Variants in HEMK2 observed in about 807,000 individuals in gnomAD.
The protein encoded by HEMK2 is methyltransferase HEMK2.
chr21:28,754,921 C>A, the HEMK2 span, among the ~76,000 whole-genome samples: 1 of 152,160 alleles, frequency 6.6e-6, no homozygotes, highest in South Asian at 2.1e-4. Context: ...AGGCAAGAAG[C>A]AAGAGCTAGG....
the HEMK2 span, among the ~76,000 whole-genome samples, chr21:28,719,922 T>A: frequency 2.0e-5 from 3 of 152,226 alleles, no homozygotes; most frequent in Admixed American, 6.5e-5. Context: ...ACTTGCCACA[T>A]ATATTCCCAG....
chr21:28,732,617 G>A, the HEMK2 span, among the ~76,000 whole-genome samples: 2 of 152,184 alleles, frequency 1.3e-5, no homozygotes, highest in East Asian at 3.9e-4. Flanking sequence ...AGGAGGAGTG[G>A]ATGTAAGCAT....
At chr21:28,882,168 TAATAACTGG>T in the HEMK2 span, 58 of 1,578,788 alleles carry the variant, frequency 3.7e-5, no homozygotes, top group Non-Finnish European at 4.9e-5. Context: ...ACCAAATCTG[TAATAACTGG>T]TTGAATGTGA....
At chr21:28,859,273 G>T in the HEMK2 span, among the ~76,000 whole-genome samples, 1 of 152,134 alleles carries the variant, frequency 6.6e-6, no homozygotes, top group East Asian at 1.9e-4. Flanking sequence ...TTTGTTTAAT[G>T]ATTGCCTATC....
the HEMK2 span, among the ~76,000 whole-genome samples, chr21:28,803,600 C>CAA: frequency 2.6e-5 from 4 of 152,100 alleles, no homozygotes; most frequent in African/African-American, 9.7e-5. Flanking sequence ...TCTTAATGCC[C>CAA]AGAAAAACAC....
the HEMK2 span, among the ~76,000 whole-genome samples, chr21:28,752,425 C>A: frequency 1.3e-5 from 2 of 152,206 alleles, no homozygotes; most frequent in Non-Finnish European, 2.9e-5. Context: ...GGTATGTGAG[C>A]CTGGCTTCCA....
chr21:28,791,774 A>G, the HEMK2 span, among the ~76,000 whole-genome samples: 26 of 152,238 alleles, frequency 1.7e-4, no homozygotes, highest in Middle Eastern at 3.4e-3. Context: ...CCAAATTACC[A>G]GAGTGACTCC....
the HEMK2 span, among the ~76,000 whole-genome samples, chr21:28,748,836 T>C: frequency 3.9e-5 from 6 of 152,216 alleles, no homozygotes; most frequent in African/African-American, 1.4e-4. Flanking sequence ...TAGTTTGCTT[T>C]CTCCAAAGAC....
chr21:28,651,564 A>G, the HEMK2 span, among the ~76,000 whole-genome samples: 1 of 152,202 alleles, frequency 6.6e-6, no homozygotes, highest in African/African-American at 2.4e-5. Context: ...TTTGAGTTCA[A>G]TCAAAATTAA....
the HEMK2 span, among the ~76,000 whole-genome samples, chr21:28,700,364 A>G: frequency 2.0e-5 from 3 of 152,156 alleles, no homozygotes; most frequent in African/African-American, 7.2e-5. Flanking sequence ...TCAAAAAACA[A>G]GGGGAATTAT....
the HEMK2 span, chr21:28,879,878 G>A: frequency 1.3e-6 from 2 of 1,572,752 alleles, no homozygotes; most frequent in Admixed American, 1.9e-5. Context: ...ACCTCTTGAG[G>A]TGGAGTCACT....
the HEMK2 span, among the ~76,000 whole-genome samples, chr21:28,799,840 CA>C: frequency 6.6e-6 from 1 of 152,118 alleles, no homozygotes; most frequent in Non-Finnish European, 1.5e-5. Context: ...TATTTTTGAT[CA>C]GGTAAAATGT....
the HEMK2 span, among the ~76,000 whole-genome samples, chr21:28,792,258 G>T: frequency 1.3e-5 from 2 of 152,128 alleles, no homozygotes; most frequent in African/African-American, 4.8e-5. Flanking sequence ...CCCTCTGGTT[G>T]TTCTCTGTAT....
At chr21:28,696,279 C>G in the HEMK2 span, among the ~76,000 whole-genome samples, 1 of 152,174 alleles carries the variant, frequency 6.6e-6, no homozygotes, top group Admixed American at 6.5e-5. Flanking sequence ...CACAGCCAAA[C>G]CACAACCGGG....
the HEMK2 span, among the ~76,000 whole-genome samples, chr21:28,591,861 T>C: frequency 7.7e-4 from 118 of 152,328 alleles, no homozygotes; most frequent in South Asian, 1.2e-3. Context: ...TCCATCCATG[T>C]TCCTGCAAAG....
At chr21:28,786,204 A>G in the HEMK2 span, among the ~76,000 whole-genome samples, 2 of 152,220 alleles carry the variant, frequency 1.3e-5, no homozygotes, top group South Asian at 4.1e-4. Context: ...CCATGTTTCA[A>G]TCTTCTCAAC....
At chr21:28,804,116 T>C in the HEMK2 span, among the ~76,000 whole-genome samples, 2 of 152,218 alleles carry the variant, frequency 1.3e-5, no homozygotes, top group East Asian at 3.8e-4. Context: ...TTCTAAATAA[T>C]CTTGTTCAAT....
the HEMK2 span, among the ~76,000 whole-genome samples, chr21:28,821,480 C>A: frequency 6.6e-6 from 1 of 152,208 alleles, no homozygotes. Flanking sequence ...TCTAGTTTCT[C>A]TTCCCTAGTT....
the HEMK2 span, among the ~76,000 whole-genome samples, chr21:28,588,795 A>G: frequency 6.6e-6 from 1 of 152,154 alleles, no homozygotes; most frequent in South Asian, 2.1e-4. Flanking sequence ...CATCCTGGCT[A>G]ACACGCTGAA....
Sources: gnomAD v4.1 joint callset for allele counts (sites outside exome capture counted in the v4.1 genomes callset) on GRCh38, gnomAD v4.1.1 for gene constraint, MANE v1.5 for transcripts, NCBI Gene and HGNC (gene_info 2026-07-23, HGNC 2026-07-21) for gene names.